The following PDZD2 variants were observed in gnomAD, a reference collection of about 807,000 sequenced individuals.
PDZD2 encodes PDZ domain-containing protein 2.
In PDZD2, 90 loss-of-function variants were observed where a neutral mutation model predicts 220.7. The ratio of observed to expected loss-of-function variants is 0.41; its 90% CI spans 0.34 to 0.49. The LOEUF is 0.49. PDZD2 is among the 20% of genes least tolerant of loss of function. The pLI, the probability that PDZD2 is intolerant of heterozygous loss-of-function variation, is 0.28. For synonymous variants in PDZD2, 1,375 were observed against 1,450.5 expected (o/e 0.95, Z 1.18); for missense variants, 3,174 against 3,608.5 (o/e 0.88, Z 3.08).
chr5:31,972,807 C>A (rs2111793782), intron 2 of PDZD2, among the ~76,000 whole-genome samples: 1 of 152,306 alleles, frequency 6.6e-6, no homozygotes, highest in Middle Eastern at 3.4e-3. Flanking sequence ...TGTTGTACCA[C>A]CCCTCCAGGA....
At chr5:31,797,840 T>C (rs1754137056) in intron 1 of PDZD2, among the ~76,000 whole-genome samples, 1 of 152,208 alleles carries the variant, frequency 6.6e-6, no homozygotes, top group East Asian at 1.9e-4. Context: ...TGTTCCTTGT[T>C]AAATCACTTC....
Position 32,109,170 on chromosome 5 carries a change from T to C in PDZD2, c.*1035T>C, listed in dbSNP as rs1381368886. On this transcript the variant is annotated 3_prime_UTR_variant, in exon 25 of 25. Transcript: ENST00000438447. Reference sequence around the variant, plus strand: ...ATAGACAATGTATGTACAATCCAAATAGAGGAGCTTAATGGAATCCTTTTA... The same window carrying C: ...ATAGACAATGTATGTACAATCCAAACAGAGGAGCTTAATGGAATCCTTTTA... The C allele has an allele frequency of 6.6e-6, 1 of 152,296 alleles. No individual in the cohort carries two copies. The highest frequency in any genetic ancestry group is 2.4e-5 in the African/African-American group (1 of 41,454). The allele number at this position is 152,296 out of a possible 1,614,324, so 9.4% of individuals were successfully genotyped here.
At chr5:31,998,301 G>A (rs10520991) in intron 4 of PDZD2, among the ~76,000 whole-genome samples, 7,655 of 152,218 alleles carry the variant, frequency 0.05, 283 homozygotes, top group Admixed American at 0.11. Flanking sequence ...CAAACAACTA[G>A]TGGGGCCCTT....
At chr5:31,759,012 C>CCA (rs1403803194) in intron 1 of PDZD2, among the ~76,000 whole-genome samples, 2 of 152,062 alleles carry the variant, frequency 1.3e-5, no homozygotes, top group Non-Finnish European at 2.9e-5. Flanking sequence ...AACAGGTCCT[C>CCA]ACACTGGATG....
At chr5:31,687,095 TA>T (rs5867092) in intron 1 of PDZD2, among the ~76,000 whole-genome samples, 68,011 of 151,818 alleles carry the variant, frequency 0.45, 15,681 homozygotes, top group East Asian at 0.69. Flanking sequence ...CTCATAGATA[TA>T]AAAAAAGTTC....
intron 7 of PDZD2, among the ~76,000 whole-genome samples, chr5:32,038,180 A>AC (rs1476069149): frequency 3.5e-5 from 2 of 57,882 alleles, no homozygotes; most frequent in African/African-American, 1.1e-4. Flanking sequence ...CTTTTCCTCC[A>AC]TTAAAAAAAA....
intron 1 of PDZD2, among the ~76,000 whole-genome samples, chr5:31,790,147 C>T (rs1392019372): frequency 6.6e-6 from 1 of 152,070 alleles, no homozygotes; most frequent in Admixed American, 6.6e-5. Context: ...CTCGCTCTGT[C>T]ACCAGGCTGG....
At chr5:31,681,781 AG>A (rs1746659486) in intron 1 of PDZD2, among the ~76,000 whole-genome samples, 1 of 152,202 alleles carries the variant, frequency 6.6e-6, no homozygotes, top group African/African-American at 2.4e-5. Flanking sequence ...AGCTGATTTT[AG>A]CAACTGTGTT....
chr5:31,667,375 G>A (rs567567578), intron 1 of PDZD2, among the ~76,000 whole-genome samples: 61 of 152,194 alleles, frequency 4.0e-4, no homozygotes, highest in African/African-American at 1.4e-3. Context: ...GGAGGTGGGA[G>A]GACAGACACG....
At position 31,639,228 on chromosome 5, in the gene PDZD2, C is replaced by T. The variant is rs1744839358; in HGVS notation, c.-570C>T. On this transcript the variant is annotated 5_prime_UTR_variant, in exon 1 of 25. Coordinates refer to ENST00000438447, the MANE Select transcript of PDZD2 (RefSeq NM_178140.4). This position sits in a 1 kb window ranked among gnomAD's most constrained non-coding sequence, Gnocchi z 4.1. ...GCGGGACGCGGCGGGGCGGCGGCTG[C>T]AGGCAGCCGAGGAGCCGCAGGCCGA... Among the ~76,000 whole-genome samples, 2 of 151,576 alleles carry T rather than the reference C, an allele frequency of 1.3e-5. No individual in the cohort carries two copies. The highest frequency in any genetic ancestry group is 1.5e-5 in the Non-Finnish European group (1 of 67,816).
chr5:32,022,862 C>T (rs1329392382), intron 6 of PDZD2, among the ~76,000 whole-genome samples: 2 of 152,074 alleles, frequency 1.3e-5, no homozygotes, highest in Non-Finnish European at 2.9e-5. Flanking sequence ...AGTTGAGTGA[C>T]AGGGTCAGAG....
chr5:31,830,315 A>G (rs1391506774), intron 2 of PDZD2, among the ~76,000 whole-genome samples: 4 of 142,018 alleles, frequency 2.8e-5, no homozygotes, highest in African/African-American at 5.3e-5. Context: ...ACAGGCGCCC[A>G]CCACCACGCC....
At chr5:31,687,142 A>G (rs780340494) in intron 1 of PDZD2, among the ~76,000 whole-genome samples, 8 of 152,216 alleles carry the variant, frequency 5.3e-5, no homozygotes, top group Non-Finnish European at 8.8e-5. Context: ...AAGTTTCCAG[A>G]AAGAATTTCA....
chr5:31,763,425 G>T (rs1057150222), intron 1 of PDZD2, among the ~76,000 whole-genome samples: 1 of 152,120 alleles, frequency 6.6e-6, no homozygotes, highest in Non-Finnish European at 1.5e-5. Flanking sequence ...AAGAAATAAA[G>T]AAACTCATGA....
At chr5:31,730,438 G>C (rs1229390937) in intron 1 of PDZD2, among the ~76,000 whole-genome samples, 1 of 152,148 alleles carries the variant, frequency 6.6e-6, no homozygotes, top group Non-Finnish European at 1.5e-5. Context: ...GCAAGGAATT[G>C]TATCTCTGTT....
chr5:31,751,591 C>T (rs1168853955), intron 1 of PDZD2, among the ~76,000 whole-genome samples: 1 of 152,142 alleles, frequency 6.6e-6, no homozygotes, highest in African/African-American at 2.4e-5. Flanking sequence ...TGTAAGTTTC[C>T]TTTGGATGAA....
In PDZD2 at chr5:31,983,802, T is replaced by TA. The variant is rs202000737; in HGVS notation, c.978+152dup. The TA allele has an allele frequency of 1.4e-3, 1,102 of 775,274 alleles. 19 individuals are homozygous for TA. The East Asian group carries it at 0.027, about 19-fold the overall frequency. 48.0% of individuals were successfully genotyped at this position (775,274 alleles called of 1,614,324 possible). On this transcript the variant is annotated intron_variant, in intron 3 of 24. Coordinates refer to ENST00000438447, the MANE Select transcript of PDZD2 (RefSeq NM_178140.4). ...ATTGTTTGAAGTTGCTTTTAAGGTT[T>TA]AAAAAATATACCTAAGATGACCTCG... is the stretch of plus-strand genomic sequence containing the variant.
intron 2 of PDZD2, among the ~76,000 whole-genome samples, chr5:31,834,877 G>A (rs1756854779): frequency 6.7e-6 from 1 of 149,828 alleles, no homozygotes; most frequent in Non-Finnish European, 1.5e-5. Flanking sequence ...AGAACATAAA[G>A]TATAATAAAA....
intron 2 of PDZD2, among the ~76,000 whole-genome samples, chr5:31,854,013 C>T (rs1203143420): frequency 1.3e-5 from 2 of 152,072 alleles, no homozygotes; most frequent in African/African-American, 4.8e-5. Context: ...AGGTTTGGCA[C>T]CAGTGACGCT....
Sources: allele counts gnomAD v4.1 joint callset (sites outside exome capture counted in the v4.1 genomes callset), GRCh38; gene constraint gnomAD v4.1.1; non-coding constraint Gnocchi (gnomAD v3.1); transcripts MANE v1.5; gene names NCBI Gene and HGNC (gene_info 2026-07-23, HGNC 2026-07-21).